Variants in TTC28 observed in about 807,000 individuals in gnomAD.
The protein encoded by TTC28 is tetratricopeptide repeat protein 28.
In TTC28, 61 loss-of-function variants were observed where a neutral mutation model predicts 198.0. The ratio of observed to expected loss-of-function variants is 0.31; its 90% confidence interval spans 0.25 to 0.38. The LOEUF (loss-of-function observed/expected upper bound fraction) is 0.38, where lower values mean the gene tolerates loss of function less well. Among genes scored for constraint, TTC28 ranks in the 10% least tolerant of loss-of-function variants. The pLI is 1.00. For missense variants in TTC28, 2,678 were observed against 3,164.0 expected (o/e 0.85, Z 3.69); for synonymous variants, 1,171 against 1,297.8 (o/e 0.90, Z 2.10).
intron 6 of TTC28, among the ~76,000 whole-genome samples, chr22:28,125,343 C>T (rs143777742): frequency 6.6e-6 from 1 of 152,108 alleles, no homozygotes; most frequent in Non-Finnish European, 1.5e-5. Flanking sequence ...TCTAAAAATG[C>T]CTTTATCATT....
Position 28,498,327 on chromosome 22 carries a change from G to T in TTC28, c.381+131225C>A, listed in dbSNP as rs188568362. Among the ~76,000 whole-genome samples the T allele has an allele frequency of 1.7e-3, 264 of 152,224 alleles. 2 individuals carry two copies. Among genetic ancestry groups the T allele is most frequent in the African/African-American group, 6.2e-3 (257 of 41,554 alleles). On this transcript the variant is annotated intron_variant, in intron 2 of 22. Transcript: ENST00000397906. ...GAATACAGCAAATGCAGTTCACTTTGTTTGTTTTCTTTGTCCTTACACAGG... is the reference window on the plus strand; with the variant it reads ...GAATACAGCAAATGCAGTTCACTTTTTTTGTTTTCTTTGTCCTTACACAGG...
At chr22:28,031,565 G>A (rs567147705) in intron 12 of TTC28, among the ~76,000 whole-genome samples, 6 of 152,252 alleles carry the variant, frequency 3.9e-5, no homozygotes, top group African/African-American at 1.2e-4. Context: ...TTTGGGTTTA[G>A]GACAAACATG....
intron 10 of TTC28, among the ~76,000 whole-genome samples, chr22:28,098,134 T>G (rs1942029087): frequency 6.6e-6 from 1 of 152,166 alleles, no homozygotes; most frequent in Non-Finnish European, 1.5e-5. Context: ...AGAAGATGCA[T>G]GCTGCCCCAC....
intron 5 of TTC28, among the ~76,000 whole-genome samples, chr22:28,168,926 G>C (rs1922335360): frequency 6.6e-6 from 1 of 152,110 alleles, no homozygotes; most frequent in Non-Finnish European, 1.5e-5. Context: ...CTACTCATTT[G>C]ACAAAGGGCT....
At chr22:28,497,077 C>T (rs1340951608) in intron 2 of TTC28, among the ~76,000 whole-genome samples, 3 of 152,132 alleles carry the variant, frequency 2.0e-5, no homozygotes. Flanking sequence ...ATTGTAATCC[C>T]TCCCCACTTC....
intron 5 of TTC28, among the ~76,000 whole-genome samples, chr22:28,200,933 G>A (rs1002489571): frequency 3.3e-5 from 5 of 152,250 alleles, no homozygotes; most frequent in African/African-American, 9.6e-5. Flanking sequence ...TATTTAAAAA[G>A]CACACTTACA....
intron 2 of TTC28, among the ~76,000 whole-genome samples, chr22:28,416,306 C>T (rs980270210): frequency 2.6e-5 from 4 of 152,126 alleles, no homozygotes; most frequent in Admixed American, 1.3e-4. Flanking sequence ...TCACCAAAAC[C>T]ATGTATTAAT....
In TTC28 at chr22:27,983,309, A is replaced by C. The variant is rs1247980361; in HGVS notation, c.6358T>G (p.Ser2120Ala). ...AGTTTTCCCACCTTTTGGAAGGGTG[A>C]GTTGGGGCTGGGAATCAGAGTCATT... ...VKMTLIPSPN[S>A]PFQKVGKLAS... Residue 2120 changes from serine to alanine, a missense_variant, in exon 23 of 23, where the codon TCA becomes GCA. By Grantham distance (99) the Ser-to-Ala change is moderately conservative. Around this residue, in one of 8 missense-constraint regions of TTC28, gnomAD observed 622 missense variants for 656.0 expected, o/e 0.95. Transcript: ENST00000397906. 6.4e-7 allele frequency: 1 copy of C among 1,551,426 alleles called. No homozygotes were observed. Among genetic ancestry groups the C allele is most frequent in the Non-Finnish European group, 8.7e-7 (1 of 1,146,944 alleles).
intron 2 of TTC28, among the ~76,000 whole-genome samples, chr22:28,572,811 GCTATGC>G (rs964066581): frequency 1.3e-5 from 2 of 152,124 alleles, no homozygotes; most frequent in African/African-American, 4.8e-5. Flanking sequence ...AACGTTTAAA[GCTATGC>G]CTATAAGTTT....
chr22:28,586,534 C>T (rs1041318722), intron 2 of TTC28, among the ~76,000 whole-genome samples: 1 of 151,962 alleles, frequency 6.6e-6, no homozygotes. Flanking sequence ...AAGGGGATGA[C>T]AGGAAACAGA....
intron 20 of TTC28, 51 bp from the exon 21 acceptor site, chr22:27,990,058 C>T: frequency 6.5e-7 from 1 of 1,530,264 alleles, no homozygotes; most frequent in Non-Finnish European, 8.8e-7. Context: ...CCCCTCCAGC[C>T]CACCTCAAGA....
intron 6 of TTC28, among the ~76,000 whole-genome samples, chr22:28,149,802 C>T (rs1943564498): frequency 6.6e-6 from 1 of 152,050 alleles, no homozygotes; most frequent in Admixed American, 6.5e-5. Context: ...TCCAGTTAGA[C>T]AAGAGGAATA....
At chr22:28,140,369 G>T (rs1170932621) in intron 6 of TTC28, among the ~76,000 whole-genome samples, 1 of 152,156 alleles carries the variant, frequency 6.6e-6, no homozygotes, top group East Asian at 1.9e-4. Context: ...GAACTAATAA[G>T]GTCCCAGTGG....
intron 2 of TTC28, among the ~76,000 whole-genome samples, chr22:28,350,086 A>G (rs2045969830): frequency 6.6e-6 from 1 of 152,228 alleles, no homozygotes; most frequent in Non-Finnish European, 1.5e-5. Flanking sequence ...TAAGCACTGG[A>G]GAGAAACAGG....
intron 1 of TTC28, among the ~76,000 whole-genome samples, chr22:28,660,239 GA>G (rs1324328727): frequency 6.6e-6 from 1 of 152,162 alleles, no homozygotes; most frequent in African/African-American, 2.4e-5. Flanking sequence ...TTTGTACTAT[GA>G]AAATTGATTC....
At chr22:28,191,155 T>G (rs1924705184) in intron 5 of TTC28, among the ~76,000 whole-genome samples, 1 of 152,218 alleles carries the variant, frequency 6.6e-6, no homozygotes, top group African/African-American at 2.4e-5. Context: ...ATGGTTAACA[T>G]TTGCGTTAAA....
chr22:28,360,373 A>G (rs1000584653), intron 2 of TTC28, among the ~76,000 whole-genome samples: 32 of 152,230 alleles, frequency 2.1e-4, no homozygotes, highest in African/African-American at 7.7e-4. Flanking sequence ...CAGGAGACCT[A>G]CTTCCTTGAT....
At chr22:28,526,290 A>C (rs1230738624) in intron 2 of TTC28, among the ~76,000 whole-genome samples, 1 of 152,196 alleles carries the variant, frequency 6.6e-6, no homozygotes, top group Non-Finnish European at 1.5e-5. Flanking sequence ...TTCTAACAAC[A>C]TCTTTCACAG....
At chr22:28,559,441 A>G (rs1489863940) in intron 2 of TTC28, among the ~76,000 whole-genome samples, 1 of 152,222 alleles carries the variant, frequency 6.6e-6, no homozygotes. Flanking sequence ...TAAGACCTAT[A>G]ACATTCAGCC....
Sources: allele counts gnomAD v4.1 joint callset (sites outside exome capture counted in the v4.1 genomes callset), GRCh38; gene constraint gnomAD v4.1.1; regional missense constraint gnomAD v4.1.1; transcripts MANE v1.5; gene names NCBI Gene and HGNC (gene_info 2026-07-23, HGNC 2026-07-21).